The following PPFIA4 variants were observed in gnomAD, a reference collection of about 807,000 sequenced individuals.
PPFIA4 encodes liprin-alpha-4.
Under a neutral mutation model 145.7 loss-of-function variants are expected in PPFIA4, and 98 were observed. The ratio of observed to expected loss-of-function variants is 0.67; its 90% CI spans 0.57 to 0.80. The LOEUF (loss-of-function observed/expected upper bound fraction) is 0.80. Among genes scored for constraint, PPFIA4 ranks in the 30% least tolerant of loss-of-function variants. PPFIA4 has a pLI of 0.00. For missense variants in PPFIA4, 1,457 were observed against 1,632.7 expected (o/e 0.89, Z 1.85); for synonymous variants, 628 against 649.6 (o/e 0.97, Z 0.51).
At position 203,051,862 on chromosome 1, in the gene PPFIA4, G is replaced by A. The variant is rs778807877; in HGVS notation, c.1605G>A (p.Arg535=). The part of the protein sequence containing the change: ...PGVHRRYSAL[R]EESAKDWETS... ...TGCATCGCCGCTACTCGGCATTGAG[G>A]GAAGAGTCTGCCAAGGTGAGGGGGT... Residue 535 remains arginine, a synonymous_variant, in exon 14 of 30, where the codon AGG becomes AGA. Transcript: ENST00000295706. The A allele has an allele frequency of 1.2e-6, 2 of 1,613,512 alleles. No individual in the cohort carries two copies. The highest frequency in any genetic ancestry group is 1.1e-5 in the South Asian group (1 of 90,942).
At chr1:203,041,583 C>T (rs78761625) in intron 2 of PPFIA4, among the ~76,000 whole-genome samples, 1 of 152,132 alleles carries the variant, frequency 6.6e-6, no homozygotes, top group African/African-American at 2.4e-5. Flanking sequence ...CAGAGGAGAC[C>T]GTCTCCTGTG....
At chr1:203,050,259 A>C (rs12122472) in intron 13 of PPFIA4, among the ~76,000 whole-genome samples, 13,325 of 152,264 alleles carry the variant, frequency 0.088, 709 homozygotes, top group East Asian at 0.14. Context: ...AATCCTATGG[A>C]CTTGGCATCC....
intron 19 of PPFIA4, 41 bp from the exon 20 acceptor site, chr1:203,059,137 G>A (rs1661185757): frequency 7.0e-7 from 1 of 1,433,058 alleles, no homozygotes; most frequent in South Asian, 1.2e-5. Context: ...AGGGAGGAGA[G>A]GCAGAGGGGC....
chr1:203,035,361 C>G, intron 1 of PPFIA4: 1 of 454,012 alleles, frequency 2.2e-6, no homozygotes, highest in Non-Finnish European at 4.4e-6. Context: ...TGGGGCCAGC[C>G]AGAGCAACAG....
Position 203,068,625 on chromosome 1 carries a change from C to T in PPFIA4, c.3321C>T (p.Thr1107=), listed in dbSNP as rs1335868630. The change falls in exon 27 of 30, where the codon ACC becomes ACT. Residue 1107 remains threonine (T), a synonymous_variant. Transcript: ENST00000295706. This position sits in a 1 kb window ranked among gnomAD's most constrained non-coding sequence, Gnocchi z 4.7. ...ALILQIPTQN[T]QARQVMEREF... is the part of the protein sequence containing the mutation. ...TCCTCCAGATCCCCACACAGAACAC[C>T]CAGGTGGGCAGCCTTTTAATCAGTC... 6.6e-7 allele frequency: 1 copy of T among 1,519,320 alleles called. No homozygotes were observed. The highest frequency in any genetic ancestry group is 1.3e-5 in the South Asian group (1 of 77,124). The allele number at this position is 1,519,320 out of a possible 1,614,324, so 94.1% of individuals were successfully genotyped here. A position where few individuals can be genotyped will look rare whatever the true frequency, so the allele number is the denominator to read the frequency against.
chr1:203,041,648 G>A (rs887376852), intron 2 of PPFIA4, among the ~76,000 whole-genome samples: 1 of 152,172 alleles, frequency 6.6e-6, no homozygotes, highest in Non-Finnish European at 1.5e-5. Flanking sequence ...TGTCAGATAG[G>A]TTAGAGGTGG....
chr1:203,061,440 T>G (rs1373770268), intron 23 of PPFIA4: 5 of 530,478 alleles, frequency 9.4e-6, no homozygotes, highest in Admixed American at 3.7e-5. Context: ...AGGTGTGTGT[T>G]TTTGCCACAC....
Position 203,055,483 on chromosome 1 carries a change from G to C in PPFIA4, c.1881G>C (p.Glu627Asp). 2 of 1,614,018 alleles carry C rather than the reference G, an allele frequency of 1.2e-6. No individual in the cohort carries two copies. The highest frequency in any genetic ancestry group is 1.7e-6 in the Non-Finnish European group (2 of 1,179,904). The change falls in exon 16 of 30, where the codon GAG becomes GAC. Residue 627 changes from glutamate to aspartate, a missense_variant. Around this residue, in one of 3 missense-constraint regions of PPFIA4, gnomAD observed 848 missense variants for 1,046.7 expected, o/e 0.81. Coordinates refer to ENST00000295706, the MANE Select transcript of PPFIA4 (RefSeq NM_001304331.2). The surrounding 1 kb of genome is among the most constrained non-coding windows in gnomAD (Gnocchi z 4.8). ...CGGAGCTCCGCGCGGAGGAGATTGA[G>C]ACGCGTGTAACCAGTGGCAGCATGG... is the stretch of plus-strand genomic sequence containing the variant. ...ESTELRAEEI[E>D]TRVTSGSMEA...
chr1:203,030,701 G>A (rs1461163504), intron 1 of PPFIA4, among the ~76,000 whole-genome samples: 3 of 152,112 alleles, frequency 2.0e-5, no homozygotes, highest in African/African-American at 7.2e-5. Context: ...ACATAGGTTC[G>A]AGGCCACACG....
chr1:203,051,823 C>T lies in PPFIA4; in HGVS notation c.1566C>T (p.His522=), dbSNP rs200162919. ...GGTTCTCCCTGGGCACAACCACACACGCACCCCCAGGCGTGCATCGCCGCT... is the reference window on the plus strand; with the variant it reads ...GGTTCTCCCTGGGCACAACCACACATGCACCCCCAGGCGTGCATCGCCGCT... ...DVRFSLGTTT[H]APPGVHRRYS... Residue 522 remains histidine (H), a synonymous_variant, in exon 14 of 30, where the codon CAC becomes CAT. Coordinates refer to ENST00000295706, the MANE Select transcript of PPFIA4 (RefSeq NM_001304331.2). The T allele has an allele frequency of 2.0e-4, 319 of 1,613,858 alleles. No individual in the cohort carries two copies. The East Asian group carries it at 6.3e-3, about 32-fold the overall frequency.
At chr1:203,057,980 G>A (rs1398137680) in intron 19 of PPFIA4, among the ~76,000 whole-genome samples, 5 of 152,082 alleles carry the variant, frequency 3.3e-5, no homozygotes, top group East Asian at 3.9e-4. Flanking sequence ...GAGGGTGGGC[G>A]GAGTGGGGAG....
At chr1:203,064,945 G>A (rs1411083479) in intron 25 of PPFIA4, among the ~76,000 whole-genome samples, 6 of 152,230 alleles carry the variant, frequency 3.9e-5, no homozygotes, top group Non-Finnish European at 8.8e-5. Context: ...CAAGTCGTGT[G>A]GGTGGCTCTT....
At position 203,048,917 on chromosome 1, in the gene PPFIA4, G is replaced by A; in HGVS notation, c.1357-1G>A. 1 of 1,548,444 alleles carries A rather than the reference G, an allele frequency of 6.5e-7. No homozygotes were observed. Among genetic ancestry groups the A allele is most frequent in the Non-Finnish European group, 8.7e-7 (1 of 1,146,862 alleles). ...CCTGGCTCACAGCTGCTCTCCCCCA[G>A]AACACGTTGATCCAGGAGTTGGAGA... On this transcript the variant is annotated splice_acceptor_variant, in intron 11 of 29. Coordinates refer to ENST00000295706, the MANE Select transcript of PPFIA4 (RefSeq NM_001304331.2). LOFTEE classifies it high-confidence loss of function. This position sits in a 1 kb window ranked among gnomAD's most constrained non-coding sequence, Gnocchi z 5.8.
chr1:203,065,810 G>A (rs1661696836), intron 25 of PPFIA4, among the ~76,000 whole-genome samples: 1 of 152,192 alleles, frequency 6.6e-6, no homozygotes, highest in African/African-American at 2.4e-5. Flanking sequence ...ACCCAGCCAG[G>A]TGATTACAGA....
At chr1:203,050,720 G>A (rs181828552) in intron 13 of PPFIA4, among the ~76,000 whole-genome samples, 11 of 152,200 alleles carry the variant, frequency 7.2e-5, no homozygotes, top group Non-Finnish European at 1.5e-4. Context: ...CTCCACGCTC[G>A]CCAGGAATTA....
rs866623908 is a variant in PPFIA4 at position 203,068,348 on chromosome 1, G to A, written c.3149-105G>A. ...GGGATGGAGTGGGGGTCAGAGAGCA[G>A]GGTGGACTGCGGCTCTGGGTTTAGG... On this transcript the variant is annotated intron_variant, in intron 26 of 29. Transcript: ENST00000295706. This position sits in a 1 kb window ranked among gnomAD's most constrained non-coding sequence, Gnocchi z 4.7. 4.2e-6 allele frequency: 4 copies of A among 947,906 alleles called. No individual in the cohort carries two copies. The highest frequency in any genetic ancestry group is 3.8e-5 in the South Asian group (2 of 52,810). 58.7% of individuals were successfully genotyped at this position (947,906 alleles called of 1,614,324 possible). A position where few individuals can be genotyped will look rare whatever the true frequency, so the allele number is the denominator to read the frequency against.
At chr1:203,030,860 C>T (rs1300363317) in intron 1 of PPFIA4, among the ~76,000 whole-genome samples, 2 of 152,208 alleles carry the variant, frequency 1.3e-5, no homozygotes, top group Non-Finnish European at 2.9e-5. Flanking sequence ...CACACATTTA[C>T]TGTCATGGCT....
rs767052512 is a variant in PPFIA4 at position 203,045,469 on chromosome 1, G to C, written c.768G>C (p.Val256=). 2 of 1,609,526 alleles carry C rather than the reference G, an allele frequency of 1.2e-6. No individual in the cohort carries two copies. The highest frequency in any genetic ancestry group is 1.7e-6 in the Non-Finnish European group (2 of 1,178,582). The change falls in exon 7 of 30, where the codon GTG becomes GTC. Residue 256 remains valine (V), a synonymous_variant. Transcript: ENST00000295706. ...GACTGGTCACCCTAACAACAACCGT[G>C]ACTGAACTCGAGGAGGACCTGGGCA... ...RERLVTLTTT[V]TELEEDLGTA... is the part of the protein sequence containing the mutation.
In PPFIA4 at chr1:203,038,670, C is replaced by T. The variant is rs986597863; in HGVS notation, c.-339C>T. On this transcript the variant is annotated 5_prime_UTR_variant, in exon 2 of 30. Coordinates refer to ENST00000295706, the MANE Select transcript of PPFIA4 (RefSeq NM_001304331.2). ...ATCCAGCTGGGACTCTGCCAGCCTC[C>T]GGCACTCAGTCTAAGAGAAGGGCCA... 6.5e-5 allele frequency: 12 copies of T among 185,514 alleles called. No homozygotes were observed. The highest frequency in any genetic ancestry group is 1.9e-4 in the African/African-American group (8 of 42,112). 11.5% of individuals were successfully genotyped at this position (185,514 alleles called of 1,614,324 possible).
Sources: gnomAD v4.1 joint callset for allele counts (sites outside exome capture counted in the v4.1 genomes callset) on GRCh38, gnomAD v4.1.1 for gene constraint, gnomAD v4.1.1 regional missense constraint, Gnocchi (gnomAD v3.1) non-coding constraint, MANE v1.5 for transcripts, NCBI Gene and HGNC (gene_info 2026-07-23, HGNC 2026-07-21) for gene names.